Variants in COL4A3 observed in about 807,000 individuals in gnomAD.
COL4A3 encodes collagen alpha-3(IV) chain.
In COL4A3, 135 loss-of-function variants were observed where a neutral mutation model predicts 217.4. The observed-to-expected ratio is 0.62, with a 90% CI of 0.54 to 0.72. COL4A3 has a LOEUF of 0.72. Ranked by LOEUF, COL4A3 falls within the 30% of genes least tolerant of loss-of-function variation. COL4A3 has a pLI of 0.00. For synonymous variants in COL4A3, 690 were observed against 736.3 expected (o/e 0.94, Z 1.02); for missense variants, 1,868 against 2,119.9 (o/e 0.88, Z 2.33).
At chr2:227,285,882 C>CA (rs1226173012) in intron 34 of COL4A3, among the ~76,000 whole-genome samples, 4 of 152,004 alleles carry the variant, frequency 2.6e-5, no homozygotes, top group African/African-American at 9.7e-5. Context: ...TGAAGAACAA[C>CA]AAAAAAATAA....
Position 227,251,364 on chromosome 2 carries a change from G to A in COL4A3, c.638G>A (p.Gly213Glu). Residue 213 changes from glycine to glutamate, a missense_variant, in exon 11 of 52, where the codon GGA (glycine) becomes GAA (glutamate). Around this residue, in one of 2 missense-constraint regions of COL4A3, gnomAD observed 365 missense variants for 333.8 expected, o/e 1.09. Coordinates refer to ENST00000396578, the MANE Select transcript of COL4A3 (RefSeq NM_000091.5). The part of the protein sequence containing the change: ...FGFPGAMGPR[G>E]PKGHMGERVI... Reference sequence around the variant, plus strand: ...TTTCCAGGAGCCATGGGACCTAGAGGACCTAAGGTAGACTACAGTTCATAT... The same window carrying A: ...TTTCCAGGAGCCATGGGACCTAGAGAACCTAAGGTAGACTACAGTTCATAT... The A allele has an allele frequency of 6.2e-7, 1 of 1,612,878 alleles. No homozygotes were observed. Among genetic ancestry groups the A allele is most frequent in the Non-Finnish European group, 8.5e-7 (1 of 1,179,872 alleles).
chr2:227,239,744 C>G (rs919476652), intron 2 of COL4A3, among the ~76,000 whole-genome samples: 4 of 152,220 alleles, frequency 2.6e-5, no homozygotes, highest in Non-Finnish European at 4.4e-5. Context: ...ATTATGCACA[C>G]TCCCCAGGCA....
intron 3 of COL4A3, among the ~76,000 whole-genome samples, chr2:227,242,576 G>GC (rs1436682794): frequency 6.6e-6 from 1 of 152,122 alleles, no homozygotes; most frequent in African/African-American, 2.4e-5. Flanking sequence ...CTGATGACCA[G>GC]CCCCCATCTG....
chr2:227,252,802 A>T (rs969311542), intron 11 of COL4A3, among the ~76,000 whole-genome samples: 6 of 152,222 alleles, frequency 3.9e-5, no homozygotes, highest in African/African-American at 1.4e-4. Flanking sequence ...TGGATCAGCC[A>T]TCATTAGTGA....
chr2:227,309,195 A>G lies in COL4A3; in HGVS notation c.4641-9A>G. On this transcript the variant is annotated splice_polypyrimidine_tract_variant and intron_variant, in intron 49 of 51. Transcript: ENST00000396578. ...GCAATGCCGCCATAGTCTTTGTTTC[A>G]TGTTACAGATGCACTGTTTGTGAAG... is the stretch of plus-strand genomic sequence containing the variant. 1 of 1,614,024 alleles carries G rather than the reference A, an allele frequency of 6.2e-7. No homozygotes were observed. Among genetic ancestry groups the G allele is most frequent in the East Asian group, 2.2e-5 (1 of 44,888 alleles).
At chr2:227,273,922 A>G (rs911046036) in intron 26 of COL4A3, among the ~76,000 whole-genome samples, 5 of 152,118 alleles carry the variant, frequency 3.3e-5, no homozygotes, top group African/African-American at 1.2e-4. Flanking sequence ...AATAATGCCA[A>G]CATGGTCATG....
intron 1 of COL4A3, among the ~76,000 whole-genome samples, chr2:227,205,853 G>A (rs1349996853): frequency 1.3e-5 from 2 of 152,004 alleles, no homozygotes; most frequent in Non-Finnish European, 2.9e-5. Context: ...ACTAAATAAA[G>A]CAGCATGATG....
intron 1 of COL4A3, among the ~76,000 whole-genome samples, chr2:227,237,542 G>T (rs2068767681): frequency 6.6e-6 from 1 of 152,072 alleles, no homozygotes; most frequent in Non-Finnish European, 1.5e-5. Context: ...TAGAACCTAA[G>T]AATTTGCCAG....
rs111886652 is a variant in COL4A3, at chr2:227,264,144, T to C, written c.1315+200T>C. Among the ~76,000 whole-genome samples the C allele has an allele frequency of 5.4e-3, 820 of 152,306 alleles. 7 individuals are homozygous for C. Among genetic ancestry groups the C allele is most frequent in the African/African-American group, 0.019 (794 of 41,572 alleles). On this transcript the variant is annotated intron_variant, in intron 21 of 51. Transcript: ENST00000396578. ...CTAGTTAACAAATGCAGCAAAGTCTTAGCCCGAGTTTCCCAGAGAGCAGAG... is the reference window on the plus strand; with the variant it reads ...CTAGTTAACAAATGCAGCAAAGTCTCAGCCCGAGTTTCCCAGAGAGCAGAG...
At chr2:227,206,047 G>A (rs1475231653) in intron 1 of COL4A3, among the ~76,000 whole-genome samples, 1 of 151,848 alleles carries the variant, frequency 6.6e-6, no homozygotes, top group Non-Finnish European at 1.5e-5. Flanking sequence ...GGTGTAGCCT[G>A]GGCATTAGGG....
chr2:227,245,019 G>T, intron 5 of COL4A3, 24 bp downstream of exon 5: 1 of 1,607,588 alleles, frequency 6.2e-7, no homozygotes, highest in Middle Eastern at 1.7e-4. Flanking sequence ...AAAATCCGTA[G>T]CTAGAAAATT....
Position 227,164,878 on chromosome 2 carries a change from G to T in COL4A3, c.87+65G>T. ...TCCCTCCTCCACGCGTCCGGGGGACGCGCTGGCCCCACCCGCAGCGGCGCG... is the reference window on the plus strand; with the variant it reads ...TCCCTCCTCCACGCGTCCGGGGGACTCGCTGGCCCCACCCGCAGCGGCGCG... On this transcript the variant is annotated intron_variant, in intron 1 of 51. Coordinates refer to ENST00000396578, the MANE Select transcript of COL4A3 (RefSeq NM_000091.5). The surrounding 1 kb of genome is among the most constrained non-coding windows in gnomAD (Gnocchi z 4.8). 4 of 1,407,168 alleles carry T rather than the reference G, an allele frequency of 2.8e-6. No homozygotes were observed. Among genetic ancestry groups the T allele is most frequent in the Non-Finnish European group, 3.7e-6 (4 of 1,087,166 alleles). 87.2% of individuals were successfully genotyped at this position (1,407,168 alleles called of 1,614,324 possible). A position where few individuals can be genotyped will look rare whatever the true frequency, so the allele number is the denominator to read the frequency against.
intron 37 of COL4A3, chr2:227,291,187 G>A: frequency 2.7e-6 from 1 of 376,990 alleles, no homozygotes; most frequent in Non-Finnish European, 5.0e-6. Flanking sequence ...AGGACAGTGG[G>A]TTTTTTCTTG....
chr2:227,200,326 G>A (rs1475428261), intron 1 of COL4A3, among the ~76,000 whole-genome samples: 1 of 152,070 alleles, frequency 6.6e-6, no homozygotes, highest in Non-Finnish European at 1.5e-5. Flanking sequence ...CTGGGTGCCA[G>A]CAACCCAAAG....
Position 227,305,126 on chromosome 2 carries a change from G to A in COL4A3, c.4252+43G>A, listed in dbSNP as rs115173647. 621 of 1,550,266 alleles carry A rather than the reference G, an allele frequency of 4.0e-4. 3 individuals carry two copies. The African/African-American group carries it at 7.4e-3, about 18-fold the overall frequency. On this transcript the variant is annotated intron_variant, in intron 47 of 51. Transcript: ENST00000396578. ...TTCCTCACCGAAGAAGTGCTATTTCGACATACAGAGAAGTCTTGTTCGAGT... is the reference window on the plus strand; with the variant it reads ...TTCCTCACCGAAGAAGTGCTATTTCAACATACAGAGAAGTCTTGTTCGAGT...
In COL4A3 at chr2:227,267,043, G is replaced by A. The variant is rs745472969; in HGVS notation, c.1459G>A (p.Gly487Ser). The A allele has an allele frequency of 9.3e-5, 150 of 1,613,808 alleles. No homozygotes were observed. Among genetic ancestry groups the A allele is most frequent in the Admixed American group, 3.0e-4 (18 of 59,986 alleles). The change falls in exon 23 of 52, where the codon GGT (glycine) becomes AGT (serine). Residue 487 changes from glycine to serine, a missense_variant. By Grantham distance (56) the Gly-to-Ser change is moderately conservative (BLOSUM62 0). This residue lies in a region of COL4A3 where 1,503 missense variants were observed against 1,786.1 expected (regional missense o/e 0.84). Coordinates refer to ENST00000396578, the MANE Select transcript of COL4A3 (RefSeq NM_000091.5). ...TQCPYIPGPP[G>S]LPGLPGLHGV... ...GTGCCCTTATATCCCAGGGCCTCCC[G>A]GTCTCCCAGGATTGCCAGGGTTACA... is the stretch of plus-strand genomic sequence containing the variant.
intron 1 of COL4A3, among the ~76,000 whole-genome samples, chr2:227,180,319 T>C (rs2065829779): frequency 6.6e-6 from 1 of 152,188 alleles, no homozygotes; most frequent in Admixed American, 6.5e-5. Context: ...GTGCCAGTGC[T>C]CTCTAATTGC....
chr2:227,252,586 G>GCA (rs59472907), intron 11 of COL4A3, among the ~76,000 whole-genome samples: 3,594 of 146,344 alleles, frequency 0.025, 129 homozygotes, highest in Admixed American at 0.091. Context: ...ACACACAAAT[G>GCA]CACACACACA....
At position 227,193,570 on chromosome 2, in the gene COL4A3, G is replaced by A. The variant is rs189481434; in HGVS notation, c.87+28757G>A. 1.2e-3 allele frequency among the ~76,000 whole-genome samples: 175 copies of A among 152,094 alleles called. 1 individual carries two copies. In the Middle Eastern group the frequency reaches 0.014, roughly 12 times the overall value. On this transcript the variant is annotated intron_variant, in intron 1 of 51. Coordinates refer to ENST00000396578, the MANE Select transcript of COL4A3 (RefSeq NM_000091.5). Reference sequence around the variant, plus strand: ...CTACTAAAAATACAAAAATTAGCCAGGCGTGGTTGTGCATGCCTGTAATCC... The same window carrying A: ...CTACTAAAAATACAAAAATTAGCCAAGCGTGGTTGTGCATGCCTGTAATCC...
Sources: gnomAD v4.1 joint callset for allele counts (sites outside exome capture counted in the v4.1 genomes callset) on GRCh38, gnomAD v4.1.1 for gene constraint, gnomAD v4.1.1 regional missense constraint, Gnocchi (gnomAD v3.1) non-coding constraint, MANE v1.5 for transcripts, NCBI Gene and HGNC (gene_info 2026-07-23, HGNC 2026-07-21) for gene names.